C1QTNF3: variants seen among roughly 807,000 people sequenced by gnomAD.
C1QTNF3 encodes complement C1q tumor necrosis factor-related protein 3.
C1QTNF3 carries 26 observed loss-of-function variants against 32.6 expected under a neutral mutation model. That is an observed-to-expected ratio of 0.80 (90% CI 0.58 to 1.11). The LOEUF is 1.11. C1QTNF3 is among the 50% of genes least tolerant of loss of function. C1QTNF3 has a pLI of 0.00. For synonymous variants in C1QTNF3, 155 were observed against 146.0 expected, an observed-to-expected ratio of 1.06 and a Z score of -0.44; for missense variants, 362 against 398.2, an observed-to-expected ratio of 0.91 and a Z score of 0.77.
chr5:34,177,846 C>T, the C1QTNF3 span, among the ~76,000 whole-genome samples: 1 of 151,892 alleles, frequency 6.6e-6, no homozygotes, highest in African/African-American at 2.4e-5. Context: ...TGGTCTCAAA[C>T]TCCTGGGCTC....
the C1QTNF3 span, among the ~76,000 whole-genome samples, chr5:34,063,856 T>C: frequency 3.9e-5 from 6 of 152,110 alleles, no homozygotes; most frequent in South Asian, 2.1e-4. Context: ...AGGAGAATTT[T>C]TGGGGCTACA....
At chr5:34,147,543 A>T in the C1QTNF3 span, among the ~76,000 whole-genome samples, 1 of 152,134 alleles carries the variant, frequency 6.6e-6, no homozygotes. Context: ...TGGTCATAAT[A>T]CTAAGCAAAT....
chr5:34,036,942 G>C (rs1754757692), intron 1 of C1QTNF3, among the ~76,000 whole-genome samples: 1 of 151,482 alleles, frequency 6.6e-6, no homozygotes, highest in Non-Finnish European at 1.5e-5. Flanking sequence ...ACAAGAGCAA[G>C]ACACAGTCTC....
chr5:34,059,259 T>A, the C1QTNF3 span, among the ~76,000 whole-genome samples: 2 of 152,158 alleles, frequency 1.3e-5, no homozygotes, highest in African/African-American at 2.4e-5. Flanking sequence ...CGTCCATGTG[T>A]GCACGTATCT....
At chr5:34,173,132 G>C in the C1QTNF3 span, among the ~76,000 whole-genome samples, 1 of 151,804 alleles carries the variant, frequency 6.6e-6, no homozygotes, top group African/African-American at 2.4e-5. Flanking sequence ...AGATTTTCCA[G>C]GTTCATTGAA....
the C1QTNF3 span, among the ~76,000 whole-genome samples, chr5:34,102,007 A>C: frequency 6.8e-6 from 1 of 147,890 alleles, no homozygotes; most frequent in Non-Finnish European, 1.5e-5. Context: ...ATTTTTCTTT[A>C]ATATAATTGG....
the C1QTNF3 span, among the ~76,000 whole-genome samples, chr5:34,153,838 C>T: frequency 2.6e-5 from 2 of 78,190 alleles, no homozygotes; most frequent in Non-Finnish European, 5.1e-5. Flanking sequence ...CACATGTACC[C>T]TAAAACTTAG....
At chr5:34,158,887 T>C in the C1QTNF3 span, 25 of 152,070 alleles carry the variant, frequency 1.6e-4, no homozygotes, top group African/African-American at 5.8e-4. Flanking sequence ...AATGTTCACC[T>C]CTTGACACTA....
the C1QTNF3 span, among the ~76,000 whole-genome samples, chr5:34,137,535 C>A: frequency 1.3e-5 from 2 of 152,142 alleles, no homozygotes; most frequent in Admixed American, 6.5e-5. Flanking sequence ...TGAAATAATT[C>A]ATCACAAAAT....
the C1QTNF3 span, among the ~76,000 whole-genome samples, chr5:34,141,147 TC>T: frequency 6.6e-6 from 1 of 151,738 alleles, no homozygotes; most frequent in Non-Finnish European, 1.5e-5. Context: ...TTAAATTGAG[TC>T]CCACTCTGTC....
the C1QTNF3 span, among the ~76,000 whole-genome samples, chr5:34,171,297 G>C: frequency 1.3e-5 from 2 of 151,288 alleles, no homozygotes; most frequent in Non-Finnish European, 1.5e-5. Context: ...AATCTCAAGT[G>C]CAGAGCTTTC....
chr5:34,163,930 A>G, the C1QTNF3 span, among the ~76,000 whole-genome samples: 1 of 152,164 alleles, frequency 6.6e-6, no homozygotes, highest in South Asian at 2.1e-4. Flanking sequence ...AAACAAGAAA[A>G]CAAACAAAAA....
chr5:34,046,797 A>G (rs372161616), upstream of C1QTNF3, among the ~76,000 whole-genome samples: 212 of 152,312 alleles, frequency 1.4e-3, 1 homozygote, highest in African/African-American at 4.9e-3. Flanking sequence ...GAGTCTACAC[A>G]TGTACTATCT....
At chr5:34,053,796 A>G in the C1QTNF3 span, among the ~76,000 whole-genome samples, 1 of 152,194 alleles carries the variant, frequency 6.6e-6, no homozygotes, top group South Asian at 2.1e-4. Flanking sequence ...GAACCAAAGC[A>G]TAAGTCTGCT....
At chr5:34,122,501 A>G in the C1QTNF3 span, among the ~76,000 whole-genome samples, 1 of 152,248 alleles carries the variant, frequency 6.6e-6, no homozygotes, top group South Asian at 2.1e-4. Context: ...CTGAAATAGA[A>G]TATTTGGCTG....
At chr5:34,162,037 A>G in the C1QTNF3 span, among the ~76,000 whole-genome samples, 1 of 152,074 alleles carries the variant, frequency 6.6e-6, no homozygotes, top group East Asian at 1.9e-4. Flanking sequence ...CCCTGGACTG[A>G]TTCTCTCTAC....
the C1QTNF3 span, among the ~76,000 whole-genome samples, chr5:34,244,279 T>A: frequency 6.6e-6 from 1 of 152,188 alleles, no homozygotes; most frequent in South Asian, 2.1e-4. Flanking sequence ...CTTTGGAATA[T>A]CTTTGGGTGA....
chr5:34,171,168 C>T, the C1QTNF3 span, among the ~76,000 whole-genome samples: 44 of 151,894 alleles, frequency 2.9e-4, no homozygotes, highest in Non-Finnish European at 2.8e-4. Flanking sequence ...ATGGGCTTTG[C>T]TTGACTCATT....
rs1754238508 is a variant in C1QTNF3 at position 34,018,067 on chromosome 5, A to C, written c.*2516T>G. Among the ~76,000 whole-genome samples, 1 of 151,860 alleles carries C rather than the reference A, an allele frequency of 6.6e-6. No homozygotes were observed. Among genetic ancestry groups the C allele is most frequent in the African/African-American group, 2.4e-5 (1 of 41,432 alleles). ...TAGAGCAAGATACAAAAATATATAA[A>C]AAGCTAATTTCAAATTATTTTATTA... On this transcript the variant is annotated 3_prime_UTR_variant, in exon 6 of 6. Coordinates refer to ENST00000382065, the MANE Select transcript of C1QTNF3 (RefSeq NM_181435.6).
Sources: allele counts gnomAD v4.1 joint callset (sites outside exome capture counted in the v4.1 genomes callset), GRCh38; gene constraint gnomAD v4.1.1; transcripts MANE v1.5; gene names NCBI Gene and HGNC (gene_info 2026-07-23, HGNC 2026-07-21).